Variants in RAPGEF1 observed in about 807,000 individuals in gnomAD.
The protein encoded by RAPGEF1 is CRK SH3-binding GNRP.
Under a neutral mutation model 143.3 loss-of-function variants are expected in RAPGEF1, and 33 were observed. The observed-to-expected ratio is 0.23, with a 90% CI of 0.17 to 0.31. RAPGEF1 has a LOEUF of 0.31. Ranked by LOEUF, RAPGEF1 falls within the 10% of genes least tolerant of loss-of-function variation. RAPGEF1 has a pLI of 1.00. For synonymous variants in RAPGEF1, 629 were observed against 676.5 expected (o/e 0.93, Z 1.09); for missense variants, 1,199 against 1,645.4 (o/e 0.73, Z 4.69).
At chr9:131,733,683 G>A (rs75648415) in intron 1 of RAPGEF1, among the ~76,000 whole-genome samples, 4,984 of 152,290 alleles carry the variant, frequency 0.033, 124 homozygotes, top group Non-Finnish European at 0.05. Flanking sequence ...CGAGGCGGCC[G>A]CGGGGTGGGG....
intron 5 of RAPGEF1, among the ~76,000 whole-genome samples, chr9:131,637,018 G>T (rs181295389): frequency 3.9e-5 from 6 of 152,114 alleles, no homozygotes; most frequent in African/African-American, 1.4e-4. Flanking sequence ...CTGAGGTCAG[G>T]AGTTCGAGAC....
At chr9:131,632,133 C>CG (rs1965061137) in intron 5 of RAPGEF1, among the ~76,000 whole-genome samples, 1 of 144,430 alleles carries the variant, frequency 6.9e-6, no homozygotes, top group Non-Finnish European at 1.5e-5. Flanking sequence ...GAGACTCTCT[C>CG]TTTTTTTTTT....
At position 131,684,425 on chromosome 9, in the gene RAPGEF1, A is replaced by T. The variant is rs374422842; in HGVS notation, c.62-33476T>A. Among the ~76,000 whole-genome samples the T allele has an allele frequency of 1.3e-4, 20 of 152,158 alleles. 1 individual carries two copies. The highest frequency in any genetic ancestry group is 4.8e-4 in the African/African-American group (20 of 41,430). On this transcript the variant is annotated intron_variant, in intron 1 of 26. Transcript: ENST00000683357. ...CCAAGCTCTAGCTACATTTTTCTCTATGTGGAATATTAAAGATATTACTAG... is the reference window on the plus strand; with the variant it reads ...CCAAGCTCTAGCTACATTTTTCTCTTTGTGGAATATTAAAGATATTACTAG...
At chr9:131,627,388 C>G (rs559448273) in intron 9 of RAPGEF1, among the ~76,000 whole-genome samples, 29 of 152,172 alleles carry the variant, frequency 1.9e-4, no homozygotes, top group Middle Eastern at 6.8e-3. Context: ...CTATTAATCA[C>G]TGATTATGCT....
intron 17 of RAPGEF1, among the ~76,000 whole-genome samples, chr9:131,592,544 C>T (rs1345339106): frequency 2.0e-5 from 3 of 152,126 alleles, no homozygotes; most frequent in African/African-American, 2.4e-5. Context: ...TGACGAGTGA[C>T]GCCTGCCCTA....
chr9:131,634,064 C>T (rs1289968229), intron 5 of RAPGEF1, among the ~76,000 whole-genome samples: 1 of 152,184 alleles, frequency 6.6e-6, no homozygotes, highest in Non-Finnish European at 1.5e-5. Context: ...GAGTTCAAAA[C>T]CAGCCTGGGC....
At chr9:131,596,507 GC>G in intron 16 of RAPGEF1, 134 bp from the exon 17 acceptor site, 1 of 889,358 alleles carries the variant, frequency 1.1e-6, no homozygotes, top group Non-Finnish European at 1.8e-6. Context: ...GTGCTCCTCG[GC>G]CCAGGAGCAG....
At chr9:131,599,420 CTTT>C (rs71374115) in intron 15 of RAPGEF1, among the ~76,000 whole-genome samples, 64 of 131,410 alleles carry the variant, frequency 4.9e-4, no homozygotes, top group East Asian at 4.5e-4. Flanking sequence ...CGTGCCCAGT[CTTT>C]TTTTTTTTTT....
At chr9:131,666,293 C>A (rs1196989305) in intron 1 of RAPGEF1, among the ~76,000 whole-genome samples, 1 of 152,236 alleles carries the variant, frequency 6.6e-6, no homozygotes, top group Non-Finnish European at 1.5e-5. Flanking sequence ...AAAGATTATA[C>A]TGTTCACCCT....
intron 12 of RAPGEF1, among the ~76,000 whole-genome samples, chr9:131,616,198 C>T (rs12002900): frequency 0.24 from 36,760 of 151,896 alleles, 4,970 homozygotes; most frequent in Non-Finnish European, 0.31. Context: ...ACCTGGGAGG[C>T]GGAGGTTGCA....
At chr9:131,739,713 G>A (rs1395552326) in intron 1 of RAPGEF1, 57 bp downstream of exon 1, 2 of 1,036,532 alleles carry the variant, frequency 1.9e-6, no homozygotes, top group African/African-American at 1.7e-5. Flanking sequence ...CCCGGGGAGC[G>A]GCGGAGCCCC....
chr9:131,684,695 GATAAC>G (rs1833189813), intron 1 of RAPGEF1, among the ~76,000 whole-genome samples: 1 of 152,170 alleles, frequency 6.6e-6, no homozygotes, highest in Non-Finnish European at 1.5e-5. Flanking sequence ...GGAGAGATCC[GATAAC>G]AAAAAGTTGG....
At chr9:131,669,094 C>T (rs1443820500) in intron 1 of RAPGEF1, among the ~76,000 whole-genome samples, 2 of 152,180 alleles carry the variant, frequency 1.3e-5, no homozygotes, top group East Asian at 3.9e-4. Context: ...GGGGCTGGGT[C>T]GTGGTGATGG....
intron 22 of RAPGEF1, among the ~76,000 whole-genome samples, chr9:131,585,068 G>A (rs1015592306): frequency 6.6e-6 from 1 of 152,192 alleles, no homozygotes; most frequent in Admixed American, 6.5e-5. Flanking sequence ...CGAGACCAAA[G>A]CCAAAGGCCA....
intron 17 of RAPGEF1, 74 bp downstream of exon 17, chr9:131,596,224 A>T (rs1955259923): frequency 7.2e-6 from 10 of 1,396,912 alleles, no homozygotes; most frequent in Non-Finnish European, 1.0e-5. Flanking sequence ...AGGAGGGGAC[A>T]GGATAGCGGT....
rs368109010 is a variant in RAPGEF1, at chr9:131,693,945, T to TTC, written c.62-42998_62-42997dup. 1.8e-3 allele frequency among the ~76,000 whole-genome samples: 267 copies of TTC among 150,006 alleles called. 4 individuals are homozygous for TTC. In the East Asian group the frequency reaches 0.028, roughly 16 times the overall value. On this transcript the variant is annotated intron_variant, in intron 1 of 26. Transcript: ENST00000683357. ...CAAATCTCGTATCCTCTCAATCAGT[T>TTC]TCTCTCTCTCTCTCTCTCTCCAAAC...
rs542950850 is a variant in RAPGEF1, at chr9:131,626,987, G to A, written c.1202-565C>T. Among the ~76,000 whole-genome samples, 83 of 62,052 alleles carry A rather than the reference G, an allele frequency of 1.3e-3. 1 individual carries two copies. The South Asian group carries it at 0.041, about 30-fold the overall frequency. 40.7% of individuals were successfully genotyped at this position (62,052 alleles called of 152,430 possible). On this transcript the variant is annotated intron_variant, in intron 9 of 26. Coordinates refer to ENST00000683357, the MANE Select transcript of RAPGEF1 (RefSeq NM_001377935.1). ...ACGCTGGCCCACTTTGGGAGGCTGA[G>A]GTGGGCAGATCACCTAGAGTTCAAG...
chr9:131,719,681 G>A (rs1033643406), intron 1 of RAPGEF1, among the ~76,000 whole-genome samples: 3 of 147,820 alleles, frequency 2.0e-5, no homozygotes, highest in Admixed American at 1.4e-4. Flanking sequence ...TTTTACTCTC[G>A]TGGTTGCATT....
At chr9:131,599,902 G>A (rs1955988724) in intron 15 of RAPGEF1, among the ~76,000 whole-genome samples, 1 of 152,148 alleles carries the variant, frequency 6.6e-6, no homozygotes, top group Admixed American at 6.5e-5. Context: ...TGGATCACTT[G>A]AAGTCAGGAG....
Sources: allele counts gnomAD v4.1 joint callset (sites outside exome capture counted in the v4.1 genomes callset), GRCh38; gene constraint gnomAD v4.1.1; transcripts MANE v1.5; gene names NCBI Gene and HGNC (gene_info 2026-07-23, HGNC 2026-07-21).